FOXP1: variants seen among roughly 807,000 people sequenced by gnomAD.
FOXP1 encodes forkhead box protein P1.
Under a neutral mutation model 98.2 loss-of-function variants are expected in FOXP1, and 15 were observed. The observed-to-expected ratio is 0.15, with a 90% CI of 0.10 to 0.24. The LOEUF (loss-of-function observed/expected upper bound fraction) is 0.24, where lower values mean the gene tolerates loss of function less well. Ranked by LOEUF, FOXP1 falls within the 10% of genes least tolerant of loss-of-function variation. The pLI is 1.00. For missense variants in FOXP1, 633 were observed against 848.5 expected (o/e 0.75, Z 3.15); for synonymous variants, 371 against 314.5 (o/e 1.18, Z -1.90).
At chr3:71,508,164 A>AG (rs1000042085) in intron 2 of FOXP1, among the ~76,000 whole-genome samples, 27 of 152,198 alleles carry the variant, frequency 1.8e-4, no homozygotes, top group African/African-American at 6.5e-4. Context: ...ATATTTCTAT[A>AG]GGGGGAAAAA....
chr3:71,188,937 T>A (rs111323182), intron 6 of FOXP1, among the ~76,000 whole-genome samples: 6,087 of 152,152 alleles, frequency 0.04, 191 homozygotes, highest in Non-Finnish European at 0.061. Flanking sequence ...AAATCCAATA[T>A]CCTCCACAGT....
intron 2 of FOXP1, among the ~76,000 whole-genome samples, chr3:71,508,209 T>A (rs2041963579): frequency 1.3e-5 from 2 of 152,206 alleles, no homozygotes; most frequent in African/African-American, 2.4e-5. Context: ...CTAGAAGTAA[T>A]TCTTTTTAGG....
Position 70,959,091 on chromosome 3 carries a change from G to A in FOXP1, c.*156C>T, listed in dbSNP as rs2106848488. The A allele has an allele frequency of 2.5e-6, 2 of 806,198 alleles. No homozygotes were observed. Among genetic ancestry groups the A allele is most frequent in the East Asian group, 2.6e-5 (1 of 39,104 alleles). 49.9% of individuals were successfully genotyped at this position (806,198 alleles called of 1,614,324 possible). A position where few individuals can be genotyped will look rare whatever the true frequency, so the allele number is the denominator to read the frequency against. The stretch of plus-strand genomic sequence containing the variant: ...ATACTCCCAAATGGGGTTCTTGATG[G>A]CACTAAGAGTTAACACATTTCAGAG... On this transcript the variant is annotated 3_prime_UTR_variant, in exon 21 of 21. Coordinates refer to ENST00000649528, the MANE Select transcript of FOXP1 (RefSeq NM_001349338.3).
chr3:70,979,537 C>T (rs539028725), intron 14 of FOXP1, among the ~76,000 whole-genome samples: 2 of 152,014 alleles, frequency 1.3e-5, no homozygotes, highest in South Asian at 4.2e-4. Flanking sequence ...CCCTAAAATC[C>T]AATAAACTTC....
rs771358062 is a variant in FOXP1, at chr3:71,046,987, T to C, written c.619A>G (p.Ile207Val). Reference sequence around the variant, plus strand: ...GGAAGGGCAGGCTGCCCGGGCTGAATTGTCAGAAGGCCTTGGCGCTGCAAA... The same window carrying C: ...GGAAGGGCAGGCTGCCCGGGCTGAACTGTCAGAAGGCCTTGGCGCTGCAAA... ...LSLQRQGLLT[I>V]QPGQPALPLQ... The change falls in exon 10 of 21, where the codon ATT (isoleucine) becomes GTT (valine). Residue 207 changes from isoleucine to valine, a missense_variant. By Grantham distance (29) the Ile-to-Val change is conservative (BLOSUM62 3). Coordinates refer to ENST00000649528, the MANE Select transcript of FOXP1 (RefSeq NM_001349338.3). The C allele has an allele frequency of 4.4e-5, 71 of 1,613,934 alleles. No individual in the cohort carries two copies. The highest frequency in any genetic ancestry group is 5.7e-5 in the Non-Finnish European group (67 of 1,179,978).
At chr3:71,377,815 A>G (rs536950652) in intron 3 of FOXP1, among the ~76,000 whole-genome samples, 3 of 152,350 alleles carry the variant, frequency 2.0e-5, no homozygotes, top group Admixed American at 1.3e-4. Flanking sequence ...CGTTACATTA[A>G]TAATTGTTAC....
chr3:71,300,692 T>C (rs1451957438), intron 4 of FOXP1, among the ~76,000 whole-genome samples: 1 of 152,230 alleles, frequency 6.6e-6, no homozygotes, highest in Non-Finnish European at 1.5e-5. Context: ...CATTTGTTTA[T>C]TAATTTAGAT....
chr3:71,065,303 G>C (rs1405259449), intron 7 of FOXP1, among the ~76,000 whole-genome samples: 2 of 152,166 alleles, frequency 1.3e-5, no homozygotes, highest in Admixed American at 1.3e-4. Flanking sequence ...TCGTCTTTGA[G>C]ACTGACAAAG....
At chr3:71,095,519 C>T (rs1056234174) in intron 7 of FOXP1, among the ~76,000 whole-genome samples, 1 of 152,168 alleles carries the variant, frequency 6.6e-6, no homozygotes, top group African/African-American at 2.4e-5. Flanking sequence ...TAGTTCCACA[C>T]TGGCAGTTTT....
At chr3:71,092,846 A>C (rs562182410) in intron 7 of FOXP1, among the ~76,000 whole-genome samples, 3 of 152,258 alleles carry the variant, frequency 2.0e-5, no homozygotes, top group East Asian at 1.9e-4. Context: ...TAAAAGAAGG[A>C]TATAGAGAGA....
intron 5 of FOXP1, among the ~76,000 whole-genome samples, chr3:71,230,871 C>T (rs551246963): frequency 6.6e-6 from 1 of 152,296 alleles, no homozygotes; most frequent in Non-Finnish European, 1.5e-5. Context: ...GAAGCATTTT[C>T]CTTTATTAAG....
intron 6 of FOXP1, among the ~76,000 whole-genome samples, chr3:71,196,488 C>T (rs894127006): frequency 6.6e-6 from 1 of 152,058 alleles, no homozygotes; most frequent in African/African-American, 2.4e-5. Flanking sequence ...TCAGAATTTC[C>T]CATTTATGTA....
intron 3 of FOXP1, among the ~76,000 whole-genome samples, chr3:71,476,609 G>A (rs1406891516): frequency 6.6e-6 from 1 of 151,328 alleles, no homozygotes; most frequent in Non-Finnish European, 1.5e-5. Context: ...TCCGGCCTCA[G>A]CCTCCTGAGG....
intron 3 of FOXP1, among the ~76,000 whole-genome samples, chr3:71,380,514 C>T (rs1224542198): frequency 2.0e-5 from 3 of 152,170 alleles, no homozygotes; most frequent in African/African-American, 7.2e-5. Context: ...GCTCCCTTTG[C>T]TTTCTTTTCA....
In FOXP1 at chr3:71,269,651, C is replaced by T. The variant is rs73839473; in HGVS notation, c.-12+30169G>A. ...TTGATGCTCTATTTTGCAAATTTCA[C>T]GGGCCACTAGGGATAATTAAAAGGG... On this transcript the variant is annotated intron_variant, in intron 5 of 20. Coordinates refer to ENST00000649528, the MANE Select transcript of FOXP1 (RefSeq NM_001349338.3). 3.2e-3 allele frequency among the ~76,000 whole-genome samples: 482 copies of T among 152,260 alleles called. 2 individuals are homozygous for T. The highest frequency in any genetic ancestry group is 0.01 in the African/African-American group (434 of 41,540).
chr3:71,016,732 A>G (rs1156650024), intron 11 of FOXP1, among the ~76,000 whole-genome samples: 2 of 151,906 alleles, frequency 1.3e-5, no homozygotes, highest in Non-Finnish European at 2.9e-5. Flanking sequence ...TCATATTGCC[A>G]TCAGGATGTA....
intron 11 of FOXP1, among the ~76,000 whole-genome samples, chr3:71,038,130 G>T (rs1049901248): frequency 1.3e-5 from 2 of 152,288 alleles, no homozygotes; most frequent in Non-Finnish European, 1.5e-5. Flanking sequence ...GGGCAAGAGT[G>T]GGGGAGAAGG....
chr3:71,443,793 T>G (rs2086162657), intron 3 of FOXP1, among the ~76,000 whole-genome samples: 1 of 152,232 alleles, frequency 6.6e-6, no homozygotes, highest in African/African-American at 2.4e-5. Context: ...GAATGGAGGC[T>G]ATTTCTCAGC....
At chr3:71,350,735 T>G (rs2077720561) in intron 4 of FOXP1, among the ~76,000 whole-genome samples, 1 of 152,182 alleles carries the variant, frequency 6.6e-6, no homozygotes, top group South Asian at 2.1e-4. Context: ...CCATATGATA[T>G]TTAAAGGTTC....
Sources: allele counts gnomAD v4.1 joint callset (sites outside exome capture counted in the v4.1 genomes callset), GRCh38; gene constraint gnomAD v4.1.1; transcripts MANE v1.5; gene names NCBI Gene and HGNC (gene_info 2026-07-23, HGNC 2026-07-21).